The following GPC5 variants were observed in gnomAD, a reference collection of about 807,000 sequenced individuals.
The protein encoded by GPC5 is glypican-5.
In GPC5, 47 loss-of-function variants were observed where a neutral mutation model predicts 53.9. The ratio of observed to expected loss-of-function variants is 0.87; its 90% CI spans 0.69 to 1.11. The LOEUF (loss-of-function observed/expected upper bound fraction) is 1.11, where lower values mean the gene tolerates loss of function less well. GPC5 is among the 50% of genes most tolerant of loss of function. The probability of loss-of-function intolerance (pLI) is 0.00; values close to 1 mark genes in which losing one functional copy is unlikely to be tolerated. For synonymous variants in GPC5, 286 were observed against 263.3 expected, an observed-to-expected ratio of 1.09 and a Z score of -0.84; for missense variants, 748 against 713.1, an observed-to-expected ratio of 1.05 and a Z score of -0.56.
intron 7 of GPC5, among the ~76,000 whole-genome samples, chr13:92,859,164 G>C (rs1435234680): frequency 6.6e-6 from 1 of 152,130 alleles, no homozygotes; most frequent in Non-Finnish European, 1.5e-5. Flanking sequence ...CAAGAGGATT[G>C]CTTGAGCCCA....
chr13:91,718,704 A>G (rs2036399873), intron 3 of GPC5, among the ~76,000 whole-genome samples: 1 of 152,174 alleles, frequency 6.6e-6, no homozygotes, highest in South Asian at 2.1e-4. Flanking sequence ...CCCCATCTGC[A>G]TACTCTTGCC....
intron 5 of GPC5, among the ~76,000 whole-genome samples, chr13:91,827,556 A>T (rs563362954): frequency 6.6e-6 from 1 of 152,040 alleles, no homozygotes; most frequent in African/African-American, 2.4e-5. Context: ...CAATTAGCAC[A>T]TACAGATTGC....
intron 2 of GPC5, among the ~76,000 whole-genome samples, chr13:91,520,752 G>A (rs1443815934): frequency 6.7e-6 from 1 of 150,030 alleles, no homozygotes; most frequent in Admixed American, 6.6e-5. Flanking sequence ...ATATATATAT[G>A]TTTTGTTTCT....
intron 1 of GPC5, among the ~76,000 whole-genome samples, chr13:91,416,221 A>G (rs1223916750): frequency 1.3e-5 from 2 of 152,176 alleles, no homozygotes; most frequent in Non-Finnish European, 2.9e-5. Context: ...TGAGTCCTTC[A>G]GATGCCATTT....
chr13:92,425,346 C>T (rs1449467873), intron 7 of GPC5, among the ~76,000 whole-genome samples: 1 of 151,910 alleles, frequency 6.6e-6, no homozygotes, highest in East Asian at 1.9e-4. Context: ...CACCTCTACC[C>T]TCTCCCACCT....
intron 2 of GPC5, among the ~76,000 whole-genome samples, chr13:91,525,730 C>T (rs996238996): frequency 6.6e-6 from 1 of 152,226 alleles, no homozygotes; most frequent in Middle Eastern, 3.4e-3. Context: ...ATATGTAGAG[C>T]TCTGGATTCA....
chr13:91,723,581 C>G (rs1594481269), intron 3 of GPC5, among the ~76,000 whole-genome samples: 1 of 152,004 alleles, frequency 6.6e-6, no homozygotes, highest in Non-Finnish European at 1.5e-5. Flanking sequence ...TTTAAAACCA[C>G]CAAGAGCTTT....
At chr13:92,613,560 A>G (rs1225204793) in intron 7 of GPC5, among the ~76,000 whole-genome samples, 1 of 126,808 alleles carries the variant, frequency 7.9e-6, no homozygotes, top group Non-Finnish European at 1.6e-5. Context: ...ATTTATATAC[A>G]ATAATATATA....
chr13:92,667,095 T>G (rs1226101601), intron 7 of GPC5, among the ~76,000 whole-genome samples: 1 of 152,182 alleles, frequency 6.6e-6, no homozygotes, highest in Non-Finnish European at 1.5e-5. Flanking sequence ...GGCCAAAATT[T>G]GGTTGAGATT....
At chr13:92,420,835 T>C (rs911960156) in intron 7 of GPC5, among the ~76,000 whole-genome samples, 1 of 152,242 alleles carries the variant, frequency 6.6e-6, no homozygotes, top group African/African-American at 2.4e-5. Flanking sequence ...ATTCCTTTTA[T>C]GGCTGAATAG....
chr13:92,113,029 A>G (rs1046785853), intron 6 of GPC5, among the ~76,000 whole-genome samples: 14 of 152,152 alleles, frequency 9.2e-5, no homozygotes, highest in Non-Finnish European at 1.8e-4. Flanking sequence ...ATGAAACATC[A>G]ACTGATAAGT....
intron 7 of GPC5, among the ~76,000 whole-genome samples, chr13:92,756,496 G>A (rs929392906): frequency 4.1e-4 from 62 of 152,010 alleles, no homozygotes; most frequent in African/African-American, 1.5e-3. Context: ...TCAGGCAGGA[G>A]AATGAAATAA....
At chr13:92,855,734 T>C (rs747148203) in intron 7 of GPC5, among the ~76,000 whole-genome samples, 1 of 151,842 alleles carries the variant, frequency 6.6e-6, no homozygotes, top group African/African-American at 2.4e-5. Context: ...CTCAGTCCCA[T>C]AAACTAGAAA....
At chr13:91,649,381 A>G (rs189629758) in intron 2 of GPC5, among the ~76,000 whole-genome samples, 6 of 152,298 alleles carry the variant, frequency 3.9e-5, no homozygotes, top group Admixed American at 6.5e-5. Context: ...TTTAAAATGG[A>G]GTAATAACAA....
chr13:91,481,938 C>T (rs573585820), intron 2 of GPC5, among the ~76,000 whole-genome samples: 1 of 152,146 alleles, frequency 6.6e-6, no homozygotes, highest in Non-Finnish European at 1.5e-5. Flanking sequence ...TCTGGGTCCA[C>T]TAGACACTCT....
chr13:91,476,539 C>G (rs1181603685), intron 2 of GPC5, among the ~76,000 whole-genome samples: 2 of 151,970 alleles, frequency 1.3e-5, no homozygotes. Flanking sequence ...ATAGATTGAA[C>G]CATATTGCTA....
At chr13:92,506,554 A>C (rs1160113158) in intron 7 of GPC5, among the ~76,000 whole-genome samples, 1 of 152,188 alleles carries the variant, frequency 6.6e-6, no homozygotes, top group East Asian at 1.9e-4. Flanking sequence ...CCAGAATATG[A>C]TTTAGACACA....
intron 6 of GPC5, among the ~76,000 whole-genome samples, chr13:92,107,166 T>C (rs914965476): frequency 6.6e-6 from 1 of 152,076 alleles, no homozygotes; most frequent in African/African-American, 2.4e-5. Flanking sequence ...TAAAATTAAG[T>C]GAAGAATAGG....
intron 7 of GPC5, among the ~76,000 whole-genome samples, chr13:92,152,693 C>A (rs573877171): frequency 6.8e-6 from 1 of 147,536 alleles, no homozygotes; most frequent in Admixed American, 6.8e-5. Context: ...GAGCCCAGAT[C>A]GCACCACTGC....
Sources: allele counts gnomAD v4.1 joint callset (sites outside exome capture counted in the v4.1 genomes callset), GRCh38; gene constraint gnomAD v4.1.1; transcripts MANE v1.5; gene names NCBI Gene and HGNC (gene_info 2026-07-23, HGNC 2026-07-21).